Variants in NKAPD1 observed in about 807,000 individuals in gnomAD.
NKAPD1 encodes the protein uncharacterized protein NKAPD1.
NKAPD1 carries 12 observed loss-of-function variants against 30.9 expected under a neutral mutation model. The ratio of observed to expected loss-of-function variants is 0.39; its 90% confidence interval spans 0.25 to 0.63. NKAPD1 has a LOEUF of 0.63. Ranked by LOEUF, NKAPD1 falls within the 20% of genes least tolerant of loss-of-function variation. NKAPD1 has a pLI of 0.51. For missense variants in NKAPD1, 311 were observed against 344.5 expected (o/e 0.90, Z 0.77); for synonymous variants, 91 against 113.6 (o/e 0.80, Z 1.26).
At chr11:112,075,809 A>T (rs1270168188) in intron 2 of NKAPD1, 166 bp downstream of exon 2, 1 of 682,130 alleles carries the variant, frequency 1.5e-6, no homozygotes, top group Non-Finnish European at 2.4e-6. Context: ...AGATAATTAT[A>T]ATACAGTTTG....
Position 112,085,119 on chromosome 11 carries a change from G to T in NKAPD1, c.*2147G>T. The T allele has an allele frequency of 2.1e-6, 1 of 479,240 alleles. No homozygotes were observed. Among genetic ancestry groups the T allele is most frequent in the Non-Finnish European group, 3.6e-6 (1 of 277,418 alleles). 29.7% of individuals were successfully genotyped at this position (479,240 alleles called of 1,614,324 possible). A position where few individuals can be genotyped will look rare whatever the true frequency, so the allele number is the denominator to read the frequency against. ...TGATGTCATACAACCTGGAATTTCT[G>T]AATTCCAAATAAATAAATTTCACTC... On this transcript the variant is annotated 3_prime_UTR_variant, in exon 6 of 6. Transcript: ENST00000393047.
In NKAPD1 at chr11:112,075,612, A is replaced by G; in HGVS notation, c.38A>G (p.Asn13Ser). Residue 13 changes from asparagine (N) to serine (S), a missense_variant, in exon 2 of 6, where the codon AAT (asparagine) becomes AGT (serine). Asn to Ser is a conservative substitution (Grantham distance 46, BLOSUM62 1). Transcript: ENST00000393047. ...RIPLGKVLLRNVIRHTDAHNK... is the reference protein window; with the variant it reads ...RIPLGKVLLRSVIRHTDAHNK... The stretch of plus-strand genomic sequence containing the variant: ...CCACTGGGGAAGGTCCTCCTGAGGA[A>G]TGTCATCCGGCACACAGATGCTCAC... The G allele has an allele frequency of 6.2e-7, 1 of 1,608,098 alleles. No individual in the cohort carries two copies.
At position 112,074,557 on chromosome 11, in the gene NKAPD1, A is replaced by G. The variant is rs532896867; in HGVS notation, c.-368A>G. The G allele has an allele frequency of 2.0e-5, 8 of 398,900 alleles. No individual in the cohort carries two copies. Among genetic ancestry groups the G allele is most frequent in the East Asian group, 1.4e-4 (4 of 28,076 alleles). The allele number at this position is 398,900 out of a possible 1,614,324, so 24.7% of individuals were successfully genotyped here. The stretch of plus-strand genomic sequence containing the variant: ...CCCAACCGAAGGCCGTAGCCATCCA[A>G]AGCGTTCCCAGCCTTTCTGGGGAGT... On this transcript the variant is annotated 5_prime_UTR_variant, in exon 1 of 6. Coordinates refer to ENST00000393047, the MANE Select transcript of NKAPD1 (RefSeq NM_018195.4).
rs1183409958 is a variant in NKAPD1 at position 112,075,621 on chromosome 11, G to A, written c.47G>A (p.Arg16Gln). 5 of 1,607,030 alleles carry A rather than the reference G, an allele frequency of 3.1e-6. No homozygotes were observed. The highest frequency in any genetic ancestry group is 4.2e-6 in the Non-Finnish European group (5 of 1,178,182). Residue 16 changes from arginine (R) to glutamine (Q), a missense_variant, in exon 2 of 6, where the codon CGG becomes CAG. Transcript: ENST00000393047. Reference sequence around the variant, plus strand: ...AAGGTCCTCCTGAGGAATGTCATCCGGCACACAGATGCTCACAATAAGGTG... The same window carrying A: ...AAGGTCCTCCTGAGGAATGTCATCCAGCACACAGATGCTCACAATAAGGTG... ...LGKVLLRNVI[R>Q]HTDAHNKIQE...
At chr11:112,078,352 T>A (rs1865376255) in intron 3 of NKAPD1, 37 bp downstream of exon 3, 2 of 1,457,512 alleles carry the variant, frequency 1.4e-6, no homozygotes, top group African/African-American at 1.4e-5. Flanking sequence ...ATAATTCTCA[T>A]CTTTTTCAGA....
chr11:112,082,787 G>T lies in NKAPD1; in HGVS notation c.697G>T (p.Asp233Tyr), dbSNP rs761104484. The change falls in exon 6 of 6, where the codon GAT becomes TAT. Residue 233 changes from aspartate (D) to tyrosine (Y), a missense_variant. Physicochemically the swap from Asp to Tyr is radical, Grantham distance 160 (BLOSUM62 -3). Coordinates refer to ENST00000393047, the MANE Select transcript of NKAPD1 (RefSeq NM_018195.4). ...AGAAAGTAACACTTCACATTCAGAT[G>T]ATTCAGCATCCAGCAGTTCTGAGGA... ...EAESNTSHSD[D>Y]SASSSSEESE... The T allele has an allele frequency of 1.9e-6, 3 of 1,613,726 alleles. No individual in the cohort carries two copies. The highest frequency in any genetic ancestry group is 2.5e-6 in the Non-Finnish European group (3 of 1,179,960).
chr11:112,081,976 T>C lies in NKAPD1; in HGVS notation c.321-6T>C, dbSNP rs762113242. On this transcript the variant is annotated splice_polypyrimidine_tract_variant and splice_region_variant and intron_variant, in intron 4 of 5. Coordinates refer to ENST00000393047, the MANE Select transcript of NKAPD1 (RefSeq NM_018195.4). Reference sequence around the variant, plus strand: ...TTAACAATACATGTGATGTGTCATATTACAGATGGGGTCACAGTGGTTATA... The same window carrying C: ...TTAACAATACATGTGATGTGTCATACTACAGATGGGGTCACAGTGGTTATA... 3.1e-6 allele frequency: 5 copies of C among 1,611,730 alleles called. No individual in the cohort carries two copies. In the African/African-American group the frequency reaches 6.7e-5, roughly 22 times the overall value.
At chr11:112,077,191 T>G (rs1865347329) in intron 2 of NKAPD1, among the ~76,000 whole-genome samples, 1 of 152,254 alleles carries the variant, frequency 6.6e-6, no homozygotes, top group Non-Finnish European at 1.5e-5. Context: ...AGGGTAAAAC[T>G]GTTACCCGAG....
At chr11:112,080,061 C>T (rs373872894) in intron 3 of NKAPD1, among the ~76,000 whole-genome samples, 40 of 152,228 alleles carry the variant, frequency 2.6e-4, no homozygotes, top group African/African-American at 9.1e-4. Flanking sequence ...GTGATCCACT[C>T]GCCCCGGCCT....
At chr11:112,077,016 A>G (rs951608359) in intron 2 of NKAPD1, among the ~76,000 whole-genome samples, 2 of 152,240 alleles carry the variant, frequency 1.3e-5, no homozygotes, top group African/African-American at 4.8e-5. Context: ...ATTGATGTAT[A>G]GGTTGATGAT....
intron 2 of NKAPD1, among the ~76,000 whole-genome samples, chr11:112,076,858 A>G (rs947789058): frequency 7.2e-5 from 11 of 152,218 alleles, no homozygotes; most frequent in African/African-American, 2.7e-4. Flanking sequence ...GATAAAGAAC[A>G]AAAAATGGGA....
At chr11:112,080,646 C>T (rs955486054) in intron 4 of NKAPD1, 88 bp downstream of exon 4, 4 of 1,459,294 alleles carry the variant, frequency 2.7e-6, no homozygotes, top group Non-Finnish European at 2.8e-6. Context: ...AACTTGTGTA[C>T]AAAAGTTCAT....
chr11:112,080,386 A>T (rs1865422202), intron 3 of NKAPD1, 23 bp from the exon 4 acceptor site: 1 of 1,611,038 alleles, frequency 6.2e-7, no homozygotes, highest in African/African-American at 1.3e-5. Flanking sequence ...TACATCTAAA[A>T]GTTCTTCTGC....
chr11:112,074,770 A>C lies in NKAPD1; in HGVS notation c.-155A>C. Reference sequence around the variant, plus strand: ...AGGTGAGGGCAGAGTAACCAGTGGGAAGGCTGCGTTTTCACGAAGGACTCG... The same window carrying C: ...AGGTGAGGGCAGAGTAACCAGTGGGCAGGCTGCGTTTTCACGAAGGACTCG... On this transcript the variant is annotated 5_prime_UTR_variant, in exon 1 of 6. Coordinates refer to ENST00000393047, the MANE Select transcript of NKAPD1 (RefSeq NM_018195.4). The C allele has an allele frequency of 3.0e-6, 1 of 334,754 alleles. No homozygotes were observed. 20.7% of individuals were successfully genotyped at this position (334,754 alleles called of 1,614,324 possible). A position where few individuals can be genotyped will look rare whatever the true frequency, so the allele number is the denominator to read the frequency against.
At chr11:112,075,723 A>T in intron 2 of NKAPD1, 80 bp downstream of exon 2, 1 of 1,414,806 alleles carries the variant, frequency 7.1e-7, no homozygotes, top group Non-Finnish European at 9.7e-7. Context: ...AACAACTGGG[A>T]GATACAAAGA....
At chr11:112,079,832 G>A (rs557104680) in intron 3 of NKAPD1, among the ~76,000 whole-genome samples, 9 of 149,930 alleles carry the variant, frequency 6.0e-5, no homozygotes, top group Admixed American at 5.3e-4. Flanking sequence ...TTTTTCCTGA[G>A]ACGGAGTCTC....
At position 112,075,719 on chromosome 11, in the gene NKAPD1, TG is replaced by T. The variant is rs761769131; in HGVS notation, c.69+79del. ...GTGCCAAGCATTATTTTGGAACAAC[TG>T]GGAGATACAAAGAATATTCTTGTCA... On this transcript the variant is annotated intron_variant, in intron 2 of 5. Coordinates refer to ENST00000393047, the MANE Select transcript of NKAPD1 (RefSeq NM_018195.4). The T allele has an allele frequency of 3.1e-4, 447 of 1,444,360 alleles. 3 individuals are homozygous for T. The Middle Eastern group carries it at 3.1e-3, about 10-fold the overall frequency. 89.5% of individuals were successfully genotyped at this position (1,444,360 alleles called of 1,614,324 possible).
At chr11:112,081,835 G>T (rs1420398404) in intron 4 of NKAPD1, 147 bp from the exon 5 acceptor site, 5 of 656,246 alleles carry the variant, frequency 7.6e-6, no homozygotes, top group Non-Finnish European at 1.1e-5. Context: ...AGCTGTTACT[G>T]AGCTATAATG....
rs970113520 is a variant in NKAPD1 at position 112,083,363 on chromosome 11, G to A, written c.*391G>A. The A allele has an allele frequency of 1.2e-5, 2 of 161,714 alleles. No individual in the cohort carries two copies. The highest frequency in any genetic ancestry group is 4.8e-5 in the African/African-American group (2 of 41,656). 10.0% of individuals were successfully genotyped at this position (161,714 alleles called of 1,614,324 possible). ...GGTGGATTGGAACTAATGCCATGTA[G>A]GATGGTATGACAAGGCAACACTGTA... On this transcript the variant is annotated 3_prime_UTR_variant, in exon 6 of 6. Transcript: ENST00000393047.
Sources: allele counts gnomAD v4.1 joint callset (sites outside exome capture counted in the v4.1 genomes callset), GRCh38; gene constraint gnomAD v4.1.1; transcripts MANE v1.5; gene names NCBI Gene and HGNC (gene_info 2026-07-23, HGNC 2026-07-21).